Variants in DSCAM observed in about 807,000 individuals in gnomAD.
DSCAM encodes cell adhesion molecule DSCAM.
In DSCAM, 47 loss-of-function variants were observed where a neutral mutation model predicts 217.7. The observed-to-expected ratio is 0.22, with a 90% CI of 0.17 to 0.28. DSCAM has a LOEUF of 0.28. Among genes scored for constraint, DSCAM ranks in the 10% least tolerant of loss-of-function variants. The pLI is 1.00. For synonymous variants in DSCAM, 1,056 were observed against 1,015.3 expected, an observed-to-expected ratio of 1.04 and a Z score of -0.76; for missense variants, 2,080 against 2,618.3, an observed-to-expected ratio of 0.79 and a Z score of 4.49.
intron 3 of DSCAM, among the ~76,000 whole-genome samples, chr21:40,620,547 A>G (rs2089498413): frequency 6.6e-6 from 1 of 151,768 alleles, no homozygotes; most frequent in South Asian, 2.1e-4. Flanking sequence ...AGGCAATACC[A>G]AATAATGGTG....
chr21:40,239,883 C>T (rs141863258), intron 11 of DSCAM, among the ~76,000 whole-genome samples: 2 of 152,304 alleles, frequency 1.3e-5, no homozygotes, highest in East Asian at 3.9e-4. Context: ...CTAACACCTG[C>T]CCATTCCAGG....
At chr21:40,637,586 C>CATATACAAAT (rs2089813368) in intron 3 of DSCAM, among the ~76,000 whole-genome samples, 1 of 45,736 alleles carries the variant, frequency 2.2e-5, no homozygotes, top group African/African-American at 9.5e-5. Context: ...TAAATATATA[C>CATATACAAAT]ATATATAAAT....
At position 40,043,176 on chromosome 21, in the gene DSCAM, C is replaced by T. The variant is rs535573386; in HGVS notation, c.5384-503G>A. ...GGCCACAAGCCAGAATGGCCCCCGA[C>T]CCCTGGGATGCGTCTTCTGTTGTGA... On this transcript the variant is annotated intron_variant, in intron 31 of 32. Transcript: ENST00000400454. Among the ~76,000 whole-genome samples the T allele has an allele frequency of 9.2e-5, 14 of 152,326 alleles. No homozygotes were observed. The South Asian group carries it at 2.5e-3, about 27-fold the overall frequency.
At chr21:40,511,470 A>G (rs1179652816) in intron 3 of DSCAM, among the ~76,000 whole-genome samples, 1 of 152,204 alleles carries the variant, frequency 6.6e-6, no homozygotes, top group Non-Finnish European at 1.5e-5. Flanking sequence ...AATATTCAAA[A>G]TGAATGTGAT....
intron 32 of DSCAM, among the ~76,000 whole-genome samples, chr21:40,033,432 G>A (rs1359629159): frequency 1.3e-5 from 2 of 152,148 alleles, no homozygotes; most frequent in Non-Finnish European, 2.9e-5. Context: ...CTGGAAAATC[G>A]GGTCACTCCC....
chr21:40,745,893 A>T (rs2091169033), intron 1 of DSCAM, among the ~76,000 whole-genome samples: 5 of 152,128 alleles, frequency 3.3e-5, no homozygotes, highest in Admixed American at 2.6e-4. Context: ...GAAACATCAA[A>T]AATAAAAATG....
chr21:40,030,510 G>T (rs1342901146), intron 32 of DSCAM, among the ~76,000 whole-genome samples: 1 of 152,166 alleles, frequency 6.6e-6, no homozygotes, highest in Non-Finnish European at 1.5e-5. Context: ...GTGGTCCAGA[G>T]AGCTGAGCAA....
intron 3 of DSCAM, among the ~76,000 whole-genome samples, chr21:40,630,242 A>G (rs1373337931): frequency 6.6e-6 from 1 of 152,250 alleles, no homozygotes; most frequent in East Asian, 1.9e-4. Flanking sequence ...TGAGAATAAA[A>G]TCTACAGGAA....
At chr21:40,687,615 G>A (rs1409433501) in intron 3 of DSCAM, among the ~76,000 whole-genome samples, 2 of 152,070 alleles carry the variant, frequency 1.3e-5, no homozygotes, top group Non-Finnish European at 2.9e-5. Context: ...TTGCTGAAAC[G>A]TGCTTAAGGG....
chr21:40,259,278 T>C (rs111610185), intron 11 of DSCAM, among the ~76,000 whole-genome samples: 49 of 138,328 alleles, frequency 3.5e-4, no homozygotes, highest in South Asian at 1.1e-3. Context: ...AATGAACTCT[T>C]TTTTTTTTTT....
intron 11 of DSCAM, among the ~76,000 whole-genome samples, chr21:40,211,575 T>G (rs1472482149): frequency 6.6e-6 from 1 of 152,226 alleles, no homozygotes; most frequent in Non-Finnish European, 1.5e-5. Flanking sequence ...AAATTTTTGT[T>G]GTTCTCATAA....
intron 3 of DSCAM, among the ~76,000 whole-genome samples, chr21:40,433,611 A>C (rs562142266): frequency 1.3e-4 from 20 of 152,158 alleles, no homozygotes; most frequent in Non-Finnish European, 2.5e-4. Context: ...ATTTTTTTCT[A>C]TCTCTCTTCC....
chr21:40,386,488 C>T (rs565209084), intron 3 of DSCAM, among the ~76,000 whole-genome samples: 4 of 152,298 alleles, frequency 2.6e-5, no homozygotes, highest in South Asian at 2.1e-4. Context: ...GGAGAACACT[C>T]GGTGCCCCCT....
At chr21:40,169,206 T>C (rs2090629848) in intron 15 of DSCAM, among the ~76,000 whole-genome samples, 1 of 152,132 alleles carries the variant, frequency 6.6e-6, no homozygotes, top group Non-Finnish European at 1.5e-5. Context: ...GTAGGCTTAC[T>C]GGTTGAGGGA....
At chr21:40,503,409 A>G (rs1568858792) in intron 3 of DSCAM, among the ~76,000 whole-genome samples, 2 of 152,232 alleles carry the variant, frequency 1.3e-5, no homozygotes, top group Admixed American at 6.5e-5. Flanking sequence ...TTATCTTTGA[A>G]AAACAAACTC....
intron 26 of DSCAM, among the ~76,000 whole-genome samples, chr21:40,076,265 G>A (rs2089364561): frequency 6.6e-6 from 1 of 152,064 alleles, no homozygotes; most frequent in Non-Finnish European, 1.5e-5. Flanking sequence ...TCAGGAAAGA[G>A]GCACTTACAG....
chr21:40,747,635 A>T lies in DSCAM; in HGVS notation c.44-38864T>A, dbSNP rs2091188033. Among the ~76,000 whole-genome samples, 5 of 152,000 alleles carry T rather than the reference A, an allele frequency of 3.3e-5. No individual in the cohort carries two copies. In the South Asian group the frequency reaches 1.0e-3, roughly 31 times the overall value. On this transcript the variant is annotated intron_variant, in intron 1 of 32. Transcript: ENST00000400454. Reference sequence around the variant, plus strand: ...AAATTCTACCAAACATTTAAAGAAGATTTACAACTAATCTTTCTCACAAGA... The same window carrying T: ...AAATTCTACCAAACATTTAAAGAAGTTTTACAACTAATCTTTCTCACAAGA...
At chr21:40,464,714 C>T (rs1218971957) in intron 3 of DSCAM, among the ~76,000 whole-genome samples, 7 of 151,802 alleles carry the variant, frequency 4.6e-5, no homozygotes, top group Non-Finnish European at 8.8e-5. Flanking sequence ...GTTCCTGTTC[C>T]GTCACTAATT....
chr21:40,405,818 G>C (rs189385991), intron 3 of DSCAM, among the ~76,000 whole-genome samples: 2 of 152,060 alleles, frequency 1.3e-5, no homozygotes, highest in African/African-American at 4.8e-5. Flanking sequence ...CTAACACAGC[G>C]AAACCCCGTC....
Sources: gnomAD v4.1 joint callset for allele counts (sites outside exome capture counted in the v4.1 genomes callset) on GRCh38, gnomAD v4.1.1 for gene constraint, MANE v1.5 for transcripts, NCBI Gene and HGNC (gene_info 2026-07-23, HGNC 2026-07-21) for gene names.